NUP93: variants seen among roughly 807,000 people sequenced by gnomAD.
NUP93 encodes the protein nucleoporin 93.
In NUP93, 55 loss-of-function variants were observed where a neutral mutation model predicts 107.8. The observed-to-expected ratio is 0.51, with a 90% CI of 0.41 to 0.64. The LOEUF (loss-of-function observed/expected upper bound fraction) is 0.64. NUP93 is among the 30% of genes least tolerant of loss of function. NUP93 has a pLI of 0.00. For missense variants in NUP93, 937 were observed against 1,044.7 expected (o/e 0.90, Z 1.42); for synonymous variants, 390 against 397.5 (o/e 0.98, Z 0.22).
intron 17 of NUP93, 26 bp downstream of exon 17, chr16:56,836,743 T>C: frequency 2.1e-6 from 3 of 1,460,376 alleles, no homozygotes; most frequent in Non-Finnish European, 2.9e-6. Context: ...TTCCTTCTTT[T>C]GCACTTCACA....
chr16:56,795,246 C>T (rs544962703), intron 3 of NUP93, among the ~76,000 whole-genome samples: 54 of 152,266 alleles, frequency 3.5e-4, no homozygotes, highest in African/African-American at 1.3e-3. Context: ...ATAATAGTTT[C>T]ATAGCTTTGT....
rs34378384 is a variant in NUP93, at chr16:56,825,205, CTTTTTTTTTTT to C, written c.794+1372_794+1382del. Reference sequence around the variant, plus strand: ...CTGAGGTGTGTGCTACCATACCCAGCTTTTTTTTTTTTTTTTTTTTTTTGAGATGGAGTTTC... The same window carrying C: ...CTGAGGTGTGTGCTACCATACCCAGCTTTTTTTTTTTTGAGATGGAGTTTC... On this transcript the variant is annotated intron_variant, in intron 8 of 21. Transcript: ENST00000308159. 9.2e-5 allele frequency among the ~76,000 whole-genome samples: 7 copies of C among 76,344 alleles called. No homozygotes were observed. In the East Asian group the frequency reaches 2.0e-3, roughly 22 times the overall value. The allele number at this position is 76,344 out of a possible 152,430, so 50.1% of individuals were successfully genotyped here. A position where few individuals can be genotyped will look rare whatever the true frequency, so the allele number is the denominator to read the frequency against.
At chr16:56,830,379 A>G in intron 9 of NUP93, 149 bp from the exon 10 acceptor site, 1 of 648,986 alleles carries the variant, frequency 1.5e-6, no homozygotes, top group South Asian at 4.1e-5. Context: ...TAAAACAGGA[A>G]AAGGCTGTTA....
intron 2 of NUP93, among the ~76,000 whole-genome samples, chr16:56,757,142 C>T (rs1323110004): frequency 6.6e-6 from 1 of 152,154 alleles, no homozygotes; most frequent in African/African-American, 2.4e-5. Context: ...ACTACATATG[C>T]GAAATCCTTT....
chr16:56,835,600 T>G (rs182574142), intron 16 of NUP93, among the ~76,000 whole-genome samples: 1 of 152,182 alleles, frequency 6.6e-6, no homozygotes, highest in Admixed American at 6.5e-5. Context: ...GCTAGAAACA[T>G]AGATAAGACC....
At position 56,844,912 on chromosome 16, in the gene NUP93, CTTAA is replaced by C; in HGVS notation, c.*312_*315del. The C allele has an allele frequency of 5.2e-6, 2 of 383,860 alleles. No homozygotes were observed. Among genetic ancestry groups the C allele is most frequent in the Non-Finnish European group, 9.2e-6 (2 of 217,760 alleles). 23.8% of individuals were successfully genotyped at this position (383,860 alleles called of 1,614,324 possible). A position where few individuals can be genotyped will look rare whatever the true frequency, so the allele number is the denominator to read the frequency against. ...ATATTCATTATTTGGTTAAATTGAC[CTTAA>C]TTAATTAAAAATCTACCCAAAATGA... On this transcript the variant is annotated 3_prime_UTR_variant, in exon 22 of 22. Coordinates refer to ENST00000308159, the MANE Select transcript of NUP93 (RefSeq NM_014669.5).
chr16:56,783,941 A>G, intron 3 of NUP93: 1 of 939,218 alleles, frequency 1.1e-6, no homozygotes, highest in South Asian at 4.9e-5. Context: ...TATGCAAAAT[A>G]GACTTTTAAA....
intron 9 of NUP93, among the ~76,000 whole-genome samples, chr16:56,830,310 A>G (rs1428666527): frequency 6.6e-6 from 1 of 152,206 alleles, no homozygotes; most frequent in Non-Finnish European, 1.5e-5. Flanking sequence ...CCATATTGCC[A>G]CTTAACAGCT....
intron 5 of NUP93, among the ~76,000 whole-genome samples, chr16:56,807,639 T>C (rs572416341): frequency 1.3e-5 from 2 of 152,246 alleles, no homozygotes; most frequent in Non-Finnish European, 2.9e-5. Context: ...TTATGTTAAG[T>C]AGCCCTTTTC....
intron 11 of NUP93, 121 bp from the exon 12 acceptor site, chr16:56,832,174 A>G (rs755416089): frequency 1.4e-4 from 169 of 1,228,870 alleles, no homozygotes; most frequent in Non-Finnish European, 1.9e-4. Flanking sequence ...GCTCATAACC[A>G]TAGCCTTAAA....
At chr16:56,825,205 CTTTTTTT>C (rs34378384) in intron 8 of NUP93, among the ~76,000 whole-genome samples, 2 of 76,360 alleles carry the variant, frequency 2.6e-5, no homozygotes, top group African/African-American at 5.4e-5. Context: ...CCATACCCAG[CTTTTTTT>C]TTTTTTTTTT....
At chr16:56,741,179 TTAAA>T (rs553560404) in intron 1 of NUP93, among the ~76,000 whole-genome samples, 1 of 152,270 alleles carries the variant, frequency 6.6e-6, no homozygotes, top group African/African-American at 2.4e-5. Flanking sequence ...AAAGTTGTGA[TTAAA>T]TAAGTTATAA....
chr16:56,817,124 A>G (rs1963449975), intron 5 of NUP93, among the ~76,000 whole-genome samples: 1 of 152,156 alleles, frequency 6.6e-6, no homozygotes, highest in South Asian at 2.1e-4. Flanking sequence ...AGCTCTTTTA[A>G]TACCAGTGAT....
In NUP93 at chr16:56,845,021, T is replaced by G; in HGVS notation, c.*412T>G. On this transcript the variant is annotated 3_prime_UTR_variant, in exon 22 of 22. Coordinates refer to ENST00000308159, the MANE Select transcript of NUP93 (RefSeq NM_014669.5). ...AGCAGAGTCACGATTCATTTTCACATTTTTATTTGAATGTGAAAGTCAACC... is the reference window on the plus strand; with the variant it reads ...AGCAGAGTCACGATTCATTTTCACAGTTTTATTTGAATGTGAAAGTCAACC... 1 of 254,026 alleles carries G rather than the reference T, an allele frequency of 3.9e-6. No individual in the cohort carries two copies. 15.7% of individuals were successfully genotyped at this position (254,026 alleles called of 1,614,324 possible).
At chr16:56,772,496 G>A (rs1962339998) in intron 3 of NUP93, among the ~76,000 whole-genome samples, 1 of 152,156 alleles carries the variant, frequency 6.6e-6, no homozygotes, top group Admixed American at 6.5e-5. Flanking sequence ...ACCACTGGTC[G>A]AATTTCTTAA....
In NUP93 at chr16:56,823,811, G is replaced by T. The variant is rs1228545144; in HGVS notation, c.759G>T (p.Glu253Asp). 7 of 1,614,182 alleles carry T rather than the reference G, an allele frequency of 4.3e-6. No homozygotes were observed. The Admixed American group carries it at 1.2e-4, about 27-fold the overall frequency. Residue 253 changes from glutamate to aspartate, a missense_variant, in exon 8 of 22, where the codon GAG (glutamate) becomes GAT (aspartate). Coordinates refer to ENST00000308159, the MANE Select transcript of NUP93 (RefSeq NM_014669.5). The stretch of plus-strand genomic sequence containing the variant: ...GCAGCAGCGTGGAAGTGCGCATGGA[G>T]TTTGTCAGGCAGGCCTTGGCGTACC... ...KNRSSVEVRM[E>D]FVRQALAYLE...
intron 3 of NUP93, among the ~76,000 whole-genome samples, chr16:56,788,140 A>G (rs550190869): frequency 1.3e-5 from 2 of 152,336 alleles, no homozygotes; most frequent in Admixed American, 1.3e-4. Context: ...TTACCTCAGC[A>G]GTCTGACAGC....
chr16:56,754,768 G>A (rs758343656), intron 2 of NUP93, among the ~76,000 whole-genome samples: 22 of 152,296 alleles, frequency 1.4e-4, no homozygotes, highest in Non-Finnish European at 2.5e-4. Flanking sequence ...GGGACTCTTT[G>A]TGGGGTCTGC....
chr16:56,792,329 G>T (rs1270662445), intron 3 of NUP93, among the ~76,000 whole-genome samples: 1 of 151,940 alleles, frequency 6.6e-6, no homozygotes, highest in Non-Finnish European at 1.5e-5. Flanking sequence ...TGTAATGTAT[G>T]GGGGGGAGGA....
Sources: allele counts gnomAD v4.1 joint callset (sites outside exome capture counted in the v4.1 genomes callset), GRCh38; gene constraint gnomAD v4.1.1; transcripts MANE v1.5; gene names NCBI Gene and HGNC (gene_info 2026-07-23, HGNC 2026-07-21).